Variants in DSCAML1 observed in about 807,000 individuals in gnomAD.
DSCAML1 encodes DS cell adhesion molecule like 1.
Under a neutral mutation model 200.5 loss-of-function variants are expected in DSCAML1, and 38 were observed. The observed-to-expected ratio is 0.19, with a 90% CI of 0.15 to 0.25. DSCAML1 has a LOEUF of 0.25. Ranked by LOEUF, DSCAML1 falls within the 10% of genes least tolerant of loss-of-function variation. The pLI is 1.00. For synonymous variants in DSCAML1, 1,215 were observed against 1,165.0 expected (o/e 1.04, Z -0.87); for missense variants, 2,223 against 2,858.8 (o/e 0.78, Z 5.07).
intron 1 of DSCAML1, among the ~76,000 whole-genome samples, chr11:117,795,176 C>T (rs2055547376): frequency 6.6e-6 from 1 of 152,144 alleles, no homozygotes; most frequent in South Asian, 2.1e-4. Context: ...CTGCACTCCC[C>T]GGGAATGGGC....
At chr11:117,665,532 G>A (rs2052958337) in intron 3 of DSCAML1, among the ~76,000 whole-genome samples, 1 of 152,158 alleles carries the variant, frequency 6.6e-6, no homozygotes, top group Non-Finnish European at 1.5e-5. Context: ...ATAAAATAGG[G>A]CCTCAGATTG....
At chr11:117,694,111 T>C (rs1178266457) in intron 3 of DSCAML1, among the ~76,000 whole-genome samples, 1 of 144,338 alleles carries the variant, frequency 6.9e-6, no homozygotes, top group African/African-American at 2.5e-5. Flanking sequence ...AATTGAGATA[T>C]GTGTCCATAG....
At chr11:117,612,135 ACT>A (rs1403917988) in intron 3 of DSCAML1, 2 of 152,086 alleles carry the variant, frequency 1.3e-5, no homozygotes, top group African/African-American at 4.8e-5. Flanking sequence ...TGTTCAATAA[ACT>A]CTGAATAAGA....
chr11:117,657,586 C>T, intron 3 of DSCAML1, among the ~76,000 whole-genome samples: 1 of 152,158 alleles, frequency 6.6e-6, no homozygotes, highest in East Asian at 1.9e-4. Context: ...ATCCTAGGTC[C>T]CTGGCCAAAC....
At chr11:117,510,292 A>G (rs537849436) in intron 8 of DSCAML1, among the ~76,000 whole-genome samples, 1 of 152,324 alleles carries the variant, frequency 6.6e-6, no homozygotes, top group South Asian at 2.1e-4. Flanking sequence ...GGCACTAGCC[A>G]TGCCTGGAAC....
chr11:117,789,708 G>A (rs1049991568), intron 1 of DSCAML1, among the ~76,000 whole-genome samples: 9 of 152,148 alleles, frequency 5.9e-5, no homozygotes, highest in Admixed American at 2.0e-4. Context: ...TATCACAGTC[G>A]CAGGGCTGTC....
In DSCAML1 at chr11:117,602,199, G is replaced by C. The variant is rs2051479128; in HGVS notation, c.512-69677C>G. On this transcript the variant is annotated intron_variant, in intron 3 of 32. Transcript: ENST00000651296. ...AAGTAGGTTTGAGCACCTGCTTTAT[G>C]CTCCCAGATATGGAAGGTGTCTGAC... Among the ~76,000 whole-genome samples the C allele has an allele frequency of 2.0e-5, 3 of 152,356 alleles. No homozygotes were observed. The South Asian group carries it at 6.2e-4, about 32-fold the overall frequency.
intron 1 of DSCAML1, among the ~76,000 whole-genome samples, chr11:117,807,642 G>A (rs1459590527): frequency 1.3e-5 from 2 of 152,208 alleles, no homozygotes; most frequent in Admixed American, 6.5e-5. Context: ...GCTAGAGAAG[G>A]TCACAGTACC....
intron 3 of DSCAML1, among the ~76,000 whole-genome samples, chr11:117,747,314 G>A (rs1591467501): frequency 6.6e-6 from 1 of 152,182 alleles, no homozygotes; most frequent in African/African-American, 2.4e-5. Flanking sequence ...AGCCTTGGGA[G>A]CGGGTTTCTT....
At chr11:117,491,332 C>T (rs1187788175) in intron 11 of DSCAML1, among the ~76,000 whole-genome samples, 1 of 152,204 alleles carries the variant, frequency 6.6e-6, no homozygotes, top group African/African-American at 2.4e-5. Flanking sequence ...ATGGAATCCT[C>T]ACACAACCCT....
chr11:117,491,493 T>C (rs1235224902), intron 11 of DSCAML1, among the ~76,000 whole-genome samples: 2 of 152,166 alleles, frequency 1.3e-5, no homozygotes, highest in East Asian at 3.9e-4. Flanking sequence ...TGGCCAGGTG[T>C]GGTGGCTCAC....
intron 19 of DSCAML1, among the ~76,000 whole-genome samples, chr11:117,451,400 A>G (rs1188444820): frequency 6.6e-6 from 1 of 152,188 alleles, no homozygotes; most frequent in Non-Finnish European, 1.5e-5. Flanking sequence ...CCTTTCTAGA[A>G]ACTTTTATGA....
chr11:117,531,845 C>T (rs1176512948), intron 4 of DSCAML1, among the ~76,000 whole-genome samples: 1 of 150,728 alleles, frequency 6.6e-6, no homozygotes, highest in Non-Finnish European at 1.5e-5. Flanking sequence ...AAGATCATGC[C>T]ATTGCACTCC....
intron 3 of DSCAML1, among the ~76,000 whole-genome samples, chr11:117,614,246 A>G (rs780811964): frequency 2.0e-5 from 3 of 152,228 alleles, no homozygotes; most frequent in Non-Finnish European, 4.4e-5. Flanking sequence ...ATCTGCTCAC[A>G]TCGCTATCCC....
At chr11:117,646,865 A>C (rs1307782574) in intron 3 of DSCAML1, among the ~76,000 whole-genome samples, 1 of 152,122 alleles carries the variant, frequency 6.6e-6, no homozygotes, top group African/African-American at 2.4e-5. Flanking sequence ...AAAAAAAAAA[A>C]AACAAATCCA....
At chr11:117,432,622 T>C in intron 29 of DSCAML1, 118 bp from the exon 30 acceptor site, 1 of 1,267,716 alleles carries the variant, frequency 7.9e-7, no homozygotes, top group Non-Finnish European at 1.1e-6. Context: ...TGGATTTGTT[T>C]GTTTGTTTTT....
rs556367602 is a variant in DSCAML1 at position 117,488,886 on chromosome 11, G to A, written c.2360-6724C>T. On this transcript the variant is annotated intron_variant, in intron 11 of 32. Transcript: ENST00000651296. Reference sequence around the variant, plus strand: ...AGGTAGGCACTGTTATTATGCCCCGGTTCCAAAGCCTGTGTCTCAGTGTAT... The same window carrying A: ...AGGTAGGCACTGTTATTATGCCCCGATTCCAAAGCCTGTGTCTCAGTGTAT... 2.6e-5 allele frequency among the ~76,000 whole-genome samples: 4 copies of A among 152,332 alleles called. No individual in the cohort carries two copies. In the East Asian group the frequency reaches 7.7e-4, roughly 29 times the overall value.
At chr11:117,439,102 C>T in intron 23 of DSCAML1, 119 bp from the exon 24 acceptor site, 1 of 1,329,662 alleles carries the variant, frequency 7.5e-7, no homozygotes, top group Non-Finnish European at 1.0e-6. Flanking sequence ...ACTCCCACTC[C>T]CCAGCTCTCC....
At chr11:117,471,832 G>T in intron 15 of DSCAML1, 37 bp downstream of exon 15, 1 of 1,433,974 alleles carries the variant, frequency 7.0e-7, no homozygotes, top group South Asian at 1.5e-5. Context: ...CCTGATCCCT[G>T]AGGCCATGGG....
Sources: allele counts gnomAD v4.1 joint callset (sites outside exome capture counted in the v4.1 genomes callset), GRCh38; gene constraint gnomAD v4.1.1; transcripts MANE v1.5; gene names NCBI Gene and HGNC (gene_info 2026-07-23, HGNC 2026-07-21).